The following AKR1A1 variants were observed in gnomAD, a reference collection of about 807,000 sequenced individuals.
AKR1A1 encodes aldo-keto reductase family 1 member A1, also known as HEL-S-165mP.
Under a neutral mutation model 39.2 loss-of-function variants are expected in AKR1A1, and 26 were observed. The observed-to-expected ratio is 0.66, with a 90% CI of 0.49 to 0.92. The LOEUF is 0.92. Ranked by LOEUF, AKR1A1 falls within the 40% of genes least tolerant of loss-of-function variation. AKR1A1 has a pLI of 0.00. For missense variants in AKR1A1, 378 were observed against 406.5 expected (o/e 0.93, Z 0.60); for synonymous variants, 141 against 155.5 (o/e 0.91, Z 0.69).
rs1172624433 is a variant in AKR1A1, at chr1:45,568,065, T to A, written c.440T>A (p.Leu147Gln). Residue 147 changes from leucine to glutamine, a missense_variant, in exon 5 of 9, where the codon CTG becomes CAG. Coordinates refer to ENST00000351829, the MANE Select transcript of AKR1A1 (RefSeq NM_153326.3). ...CACTACAAGGAGACTTGGAAGGCTC[T>A]GGAGGCACTGGTGGCTAAGGGGCTG... ...STHYKETWKA[L>Q]EALVAKGLVQ... 2 of 1,613,940 alleles carry A rather than the reference T, an allele frequency of 1.2e-6. No individual in the cohort carries two copies. The highest frequency in any genetic ancestry group is 1.7e-6 in the Non-Finnish European group (2 of 1,180,018).
intron 2 of AKR1A1, among the ~76,000 whole-genome samples, chr1:45,562,330 A>ATTTTTTTTTTTTTTTTTTTTTTTTTTTTT (rs957556536): frequency 7.6e-6 from 1 of 132,248 alleles, no homozygotes. Flanking sequence ...AGGTCAGCAA[A>ATTTTTTTTTTTTTTTTTTTTTTTTTTTTT]TTTTTTTTTT....
chr1:45,566,029 G>A (rs895233603), intron 2 of AKR1A1, among the ~76,000 whole-genome samples: 1 of 152,158 alleles, frequency 6.6e-6, no homozygotes, highest in Non-Finnish European at 1.5e-5. Flanking sequence ...GACTGGTTGG[G>A]GTGGGAGCAG....
rs958298452 is a variant in AKR1A1 at position 45,557,205 on chromosome 1, A to G, written c.-6-4584A>G. On this transcript the variant is annotated intron_variant, in intron 1 of 8. Transcript: ENST00000351829. ...AACTCTATCTCAAAAAAATAAAAAT[A>G]AAAAAGATAACATGAGGGTTTCTGA... Among the ~76,000 whole-genome samples, 11 of 152,086 alleles carry G rather than the reference A, an allele frequency of 7.2e-5. No homozygotes were observed. In the East Asian group the frequency reaches 2.1e-3, roughly 29 times the overall value.
chr1:45,553,150 A>C (rs1691227), intron 1 of AKR1A1, among the ~76,000 whole-genome samples: 2,393 of 152,114 alleles, frequency 0.016, 57 homozygotes, highest in African/African-American at 0.051. Flanking sequence ...AAGGCTGGGC[A>C]CAGTGGCTTA....
chr1:45,557,912 C>CTTGTTTTTTTTTTTTTTT (rs1644226380), intron 1 of AKR1A1, among the ~76,000 whole-genome samples: 1 of 112,218 alleles, frequency 8.9e-6, no homozygotes, highest in Non-Finnish European at 1.7e-5. Context: ...CACAACTTGT[C>CTTGTTTTTTTTTTTTTTT]TTTTTTTTTT....
At chr1:45,556,453 C>T (rs1470983771) in intron 1 of AKR1A1, among the ~76,000 whole-genome samples, 1 of 151,932 alleles carries the variant, frequency 6.6e-6, no homozygotes, top group African/African-American at 2.4e-5. Context: ...TGGTGGTGGG[C>T]GCCTGTAATC....
At position 45,569,170 on chromosome 1, in the gene AKR1A1, G is replaced by T. The variant is rs779361630; in HGVS notation, c.853G>T (p.Glu285Ter). Residue 285 changes from glutamate to a stop codon, truncating the protein, a stop_gained, in exon 8 of 9, where the codon GAG becomes TAG. Transcript: ENST00000351829. LOFTEE classifies it high-confidence loss of function. ...KVFDFTFSPE[E>*]MKQLNALNKN... is the part of the protein sequence containing the mutation. ...GTTTGACTTCACCTTTAGCCCAGAA[G>T]AGATGAAGCAGCTAAATGCCCTGAA... is the stretch of plus-strand genomic sequence containing the variant. The T allele has an allele frequency of 6.2e-7, 1 of 1,614,180 alleles. No individual in the cohort carries two copies. Among genetic ancestry groups the T allele is most frequent in the East Asian group, 2.2e-5 (1 of 44,876 alleles).
chr1:45,566,524 G>T (rs1199489604), intron 2 of AKR1A1, 45 bp from the exon 3 acceptor site: 1 of 1,610,474 alleles, frequency 6.2e-7, no homozygotes, highest in Non-Finnish European at 8.5e-7. Flanking sequence ...ACAGTAGAAG[G>T]CTGAAACCAA....
intron 4 of AKR1A1, 122 bp from the exon 5 acceptor site, chr1:45,567,860 A>G (rs1644364274): frequency 2.2e-6 from 2 of 904,760 alleles, no homozygotes; most frequent in East Asian, 5.5e-5. Flanking sequence ...ATGGCTTTTT[A>G]AAAATTCTTG....
chr1:45,558,756 C>G (rs534477456), intron 1 of AKR1A1, among the ~76,000 whole-genome samples: 2 of 152,160 alleles, frequency 1.3e-5, no homozygotes, highest in East Asian at 3.9e-4. Context: ...CTGGTAATAC[C>G]CTGACCTCAG....
chr1:45,565,102 G>A (rs185800672), intron 2 of AKR1A1, among the ~76,000 whole-genome samples: 1,698 of 144,752 alleles, frequency 0.012, 17 homozygotes, highest in Non-Finnish European at 0.02. Context: ...GACTACAGGC[G>A]TGAGCCACCA....
intron 1 of AKR1A1, among the ~76,000 whole-genome samples, chr1:45,555,412 A>G (rs1391038819): frequency 1.3e-5 from 2 of 152,128 alleles, no homozygotes; most frequent in Non-Finnish European, 2.9e-5. Flanking sequence ...ACTTGAACCC[A>G]GGAGGCGGAG....
At chr1:45,566,297 G>A (rs929840406) in intron 2 of AKR1A1, among the ~76,000 whole-genome samples, 42 of 151,928 alleles carry the variant, frequency 2.8e-4, no homozygotes, top group African/African-American at 1.0e-3. Flanking sequence ...TAGCAGAGAT[G>A]GGGTTTCACC....
intron 1 of AKR1A1, among the ~76,000 whole-genome samples, chr1:45,551,640 C>T (rs1644132733): frequency 6.6e-6 from 1 of 152,168 alleles, no homozygotes; most frequent in African/African-American, 2.4e-5. Flanking sequence ...AGACACAGAT[C>T]TGAACCTTCA....
chr1:45,567,162 C>A, intron 4 of AKR1A1, 142 bp downstream of exon 4: 1 of 1,149,768 alleles, frequency 8.7e-7, no homozygotes, highest in South Asian at 1.6e-5. Context: ...GGGATCTTAG[C>A]CTCTTCTGCT....
At position 45,566,561 on chromosome 1, in the gene AKR1A1, C is replaced by T; in HGVS notation, c.85-8C>T. 1 of 1,614,030 alleles carries T rather than the reference C, an allele frequency of 6.2e-7. No homozygotes were observed. The highest frequency in any genetic ancestry group is 8.5e-7 in the Non-Finnish European group (1 of 1,179,942). On this transcript the variant is annotated splice_region_variant and splice_polypyrimidine_tract_variant and intron_variant, in intron 2 of 8. Coordinates refer to ENST00000351829, the MANE Select transcript of AKR1A1 (RefSeq NM_153326.3). ...ATAGCTGAAACCTCTGCTTCTCTCA[C>T]CTGGCAGGTAAAAGCAGCTGTTAAG...
Position 45,561,879 on chromosome 1 carries a change from G to A in AKR1A1, c.84+1G>A. 2 of 1,614,018 alleles carry A rather than the reference G, an allele frequency of 1.2e-6. No homozygotes were observed. Among genetic ancestry groups the A allele is most frequent in the Non-Finnish European group, 1.7e-6 (2 of 1,179,944 alleles). ...TACCTGGAAGAGTGAGCCTGGTCAG[G>A]TGAGGGATGGGGGAAGAAAAAAGAA... On this transcript the variant is annotated splice_donor_variant, in intron 2 of 8. Transcript: ENST00000351829. LOFTEE classifies it high-confidence loss of function.
intron 2 of AKR1A1, among the ~76,000 whole-genome samples, chr1:45,563,611 G>A (rs1291850751): frequency 6.6e-6 from 1 of 151,570 alleles, no homozygotes; most frequent in Non-Finnish European, 1.5e-5. Flanking sequence ...CCAACACGGA[G>A]AAACCTCATC....
chr1:45,552,156 T>C (rs531619960), intron 1 of AKR1A1, among the ~76,000 whole-genome samples: 7 of 152,076 alleles, frequency 4.6e-5, no homozygotes, highest in East Asian at 3.9e-4. Flanking sequence ...TACATGGAAG[T>C]AGCCATCCAT....
Sources: allele counts gnomAD v4.1 joint callset (sites outside exome capture counted in the v4.1 genomes callset), GRCh38; gene constraint gnomAD v4.1.1; transcripts MANE v1.5; gene names NCBI Gene and HGNC (gene_info 2026-07-23, HGNC 2026-07-21).